The following FRY variants were observed in gnomAD, a reference collection of about 807,000 sequenced individuals.
FRY encodes the protein protein furry homolog.
Under a neutral mutation model 348.4 loss-of-function variants are expected in FRY, and 128 were observed. The observed-to-expected ratio is 0.37, with a 90% confidence interval of 0.32 to 0.43. The LOEUF (loss-of-function observed/expected upper bound fraction) is 0.43, where lower values mean the gene tolerates loss of function less well. Ranked by LOEUF, FRY falls within the 20% of genes least tolerant of loss-of-function variation. The probability of loss-of-function intolerance (pLI) is 1.00; values close to 1 mark genes in which losing one functional copy is unlikely to be tolerated. For synonymous variants in FRY, 1,370 were observed against 1,374.7 expected (o/e 1.00, Z 0.08); for missense variants, 2,736 against 3,695.2 (o/e 0.74, Z 6.73).
At position 32,261,871 on chromosome 13, in the gene FRY, T is replaced by C. The variant is rs945415086; in HGVS notation, c.7617+55T>C. On this transcript the variant is annotated intron_variant, in intron 52 of 60. Transcript: ENST00000542859. The stretch of plus-strand genomic sequence containing the variant: ...TGGGAGGCTTATTTTTTGTAACTAA[T>C]GCAGGAGGACAGTTTCCAGTTGCAG... 6.0e-6 allele frequency: 9 copies of C among 1,496,854 alleles called. No individual in the cohort carries two copies. The African/African-American group carries it at 8.3e-5, about 14-fold the overall frequency. 92.7% of individuals were successfully genotyped at this position (1,496,854 alleles called of 1,614,324 possible). A position where few individuals can be genotyped will look rare whatever the true frequency, so the allele number is the denominator to read the frequency against.
intron 1 of FRY, among the ~76,000 whole-genome samples, chr13:32,039,703 G>A (rs980409563): frequency 1.3e-5 from 2 of 152,132 alleles, no homozygotes; most frequent in East Asian, 1.9e-4. Flanking sequence ...TAATGAGTCT[G>A]ATTTGGTTTA....
At position 32,237,095 on chromosome 13, in the gene FRY, A is replaced by T. The variant is rs563839149; in HGVS notation, c.5811-284A>T. ...TTATTTCATAATTACTCCTACCCAA[A>T]TTCAAGCAAAACATAAATGAAATAT... On this transcript the variant is annotated intron_variant, in intron 43 of 60. Transcript: ENST00000542859. This position sits in a 1 kb window ranked among gnomAD's most constrained non-coding sequence, Gnocchi z 6.3. Among the ~76,000 whole-genome samples, 14 of 152,268 alleles carry T rather than the reference A, an allele frequency of 9.2e-5. No homozygotes were observed. Among genetic ancestry groups the T allele is most frequent in the Non-Finnish European group, 1.9e-4 (13 of 68,032 alleles).
At chr13:32,244,000 A>T (rs1380426677) in intron 46 of FRY, 42 bp from the exon 47 acceptor site, 2 of 1,609,180 alleles carry the variant, frequency 1.2e-6, no homozygotes, top group Admixed American at 3.3e-5. Flanking sequence ...CCATACGGAG[A>T]TCTGGTGTGT....
intron 37 of FRY, among the ~76,000 whole-genome samples, 181 bp downstream of exon 37, chr13:32,224,566 C>T (rs1000573887): frequency 1.3e-5 from 2 of 152,226 alleles, no homozygotes; most frequent in African/African-American, 4.8e-5. Flanking sequence ...TGTTAATCAA[C>T]ATTCAAAGCT....
Position 32,298,795 on chromosome 13 carries a change from A to G in FRY, c.*3335A>G, listed in dbSNP as rs1174539664. On this transcript the variant is annotated 3_prime_UTR_variant, in exon 61 of 61. Coordinates refer to ENST00000542859, the MANE Select transcript of FRY (RefSeq NM_023037.3). ...GAAGCAGGGTCACTTTGTCAAAGGGACAGCAAGGAAGCCAATGACCGGGTG... is the reference window on the plus strand; with the variant it reads ...GAAGCAGGGTCACTTTGTCAAAGGGGCAGCAAGGAAGCCAATGACCGGGTG... The G allele has an allele frequency of 6.6e-6, 1 of 152,266 alleles. No individual in the cohort carries two copies. The highest frequency in any genetic ancestry group is 2.4e-5 in the African/African-American group (1 of 41,460). The allele number at this position is 152,266 out of a possible 1,614,324, so 9.4% of individuals were successfully genotyped here.
At position 32,198,073 on chromosome 13, in the gene FRY, A is replaced by G. The variant is rs76430816; in HGVS notation, c.3746+3776A>G. Among the ~76,000 whole-genome samples the G allele has an allele frequency of 8.6e-3, 1,310 of 152,192 alleles. 21 individuals are homozygous for G. Among genetic ancestry groups the G allele is most frequent in the African/African-American group, 0.03 (1,263 of 41,534 alleles). On this transcript the variant is annotated intron_variant, in intron 29 of 60. Transcript: ENST00000542859. ...CTTTTGCTTATTTGAAATCTCTCTC[A>G]TTGTTTCCTCCTCTGGGTTTCTTTC... is the stretch of plus-strand genomic sequence containing the variant.
chr13:32,135,085 G>A lies in FRY; in HGVS notation c.979G>A (p.Ala327Thr). 1 of 1,599,516 alleles carries A rather than the reference G, an allele frequency of 6.3e-7. No individual in the cohort carries two copies. Among genetic ancestry groups the A allele is most frequent in the Non-Finnish European group, 8.6e-7 (1 of 1,166,812 alleles). ...ATATTCACATGCATCTCTATTTCAGGCTGTTAAAAATGAAGTAAATGTTCC... is the reference window on the plus strand; with the variant it reads ...ATATTCACATGCATCTCTATTTCAGACTGTTAAAAATGAAGTAAATGTTCC... Reference protein sequence around the residue: ...FVEILVPVAAAVKNEVNVPCL... With the variant: ...FVEILVPVAATVKNEVNVPCL... Residue 327 changes from alanine to threonine, a missense_variant and splice_region_variant, in exon 10 of 61, where the codon GCT becomes ACT. Ala to Thr is a moderately conservative substitution (Grantham distance 58). Coordinates refer to ENST00000542859, the MANE Select transcript of FRY (RefSeq NM_023037.3).
chr13:32,062,098 T>C (rs935239877), intron 1 of FRY, among the ~76,000 whole-genome samples: 1 of 151,824 alleles, frequency 6.6e-6, no homozygotes, highest in African/African-American at 2.4e-5. Flanking sequence ...CTTCTGTTTC[T>C]AGGAAAAAAA....
chr13:32,235,221 A>G (rs113529026), intron 42 of FRY, among the ~76,000 whole-genome samples: 2,632 of 152,332 alleles, frequency 0.017, 87 homozygotes, highest in African/African-American at 0.06. Flanking sequence ...ATGGAGAGTG[A>G]CTGCCACAAG....
At chr13:32,241,302 A>G (rs1250532528) in intron 46 of FRY, among the ~76,000 whole-genome samples, 2 of 152,250 alleles carry the variant, frequency 1.3e-5, no homozygotes, top group Non-Finnish European at 2.9e-5. Context: ...TACGTAGCAT[A>G]TATATACAAG....
chr13:32,238,117 T>G, intron 44 of FRY, 131 bp downstream of exon 44: 1 of 955,120 alleles, frequency 1.0e-6, no homozygotes, highest in South Asian at 1.3e-5. Context: ...AGTAGTTTAT[T>G]TTTTCTCATA....
intron 51 of FRY, among the ~76,000 whole-genome samples, chr13:32,260,758 T>C (rs1346364884): frequency 2.6e-5 from 4 of 151,576 alleles, no homozygotes; most frequent in African/African-American, 4.9e-5. Flanking sequence ...AGGTGGAGGT[T>C]GCCGCAAGCT....
chr13:32,062,989 T>C (rs1185237438), intron 1 of FRY, among the ~76,000 whole-genome samples: 1 of 152,042 alleles, frequency 6.6e-6, no homozygotes, highest in African/African-American at 2.4e-5. Flanking sequence ...GAATGCATAC[T>C]ATAATGTATA....
intron 3 of FRY, among the ~76,000 whole-genome samples, chr13:32,114,616 T>C (rs1158375518): frequency 2.0e-5 from 3 of 152,226 alleles, no homozygotes; most frequent in Non-Finnish European, 4.4e-5. Context: ...TTTTAAATTA[T>C]TGAAATATAA....
chr13:32,111,810 A>G (rs553689572), intron 3 of FRY, among the ~76,000 whole-genome samples: 1 of 152,262 alleles, frequency 6.6e-6, no homozygotes, highest in African/African-American at 2.4e-5. Flanking sequence ...GTTTTATTCA[A>G]TTGATTGATT....
At chr13:32,254,154 A>G (rs750393490) in intron 50 of FRY, 70 bp from the exon 51 acceptor site, 149 of 1,440,620 alleles carry the variant, frequency 1.0e-4, no homozygotes, top group Non-Finnish European at 1.4e-4. Context: ...TGAAGAGCCA[A>G]TTACAATTTT....
At chr13:32,226,797 A>G (rs1184123702) in intron 39 of FRY, among the ~76,000 whole-genome samples, 1 of 152,252 alleles carries the variant, frequency 6.6e-6, no homozygotes, top group Non-Finnish European at 1.5e-5. Flanking sequence ...GGCTTCTAAC[A>G]GATGTTAACA....
intron 22 of FRY, among the ~76,000 whole-genome samples, 195 bp downstream of exon 22, chr13:32,179,228 A>T (rs1882549318): frequency 6.6e-6 from 1 of 152,144 alleles, no homozygotes; most frequent in African/African-American, 2.4e-5. Flanking sequence ...GCAGGGAACC[A>T]AAGATAAAGA....
intron 3 of FRY, among the ~76,000 whole-genome samples, chr13:32,108,229 A>G (rs1877703299): frequency 6.6e-6 from 1 of 152,196 alleles, no homozygotes; most frequent in Non-Finnish European, 1.5e-5. Context: ...CTTCAGGGAC[A>G]GAAGACACAT....
Sources: allele counts gnomAD v4.1 joint callset (sites outside exome capture counted in the v4.1 genomes callset), GRCh38; gene constraint gnomAD v4.1.1; non-coding constraint Gnocchi (gnomAD v3.1); transcripts MANE v1.5; gene names NCBI Gene and HGNC (gene_info 2026-07-23, HGNC 2026-07-21).